TMEM132D: variants seen among roughly 807,000 people sequenced by gnomAD.
TMEM132D encodes the protein transmembrane protein 132D.
Under a neutral mutation model 62.3 loss-of-function variants are expected in TMEM132D, and 21 were observed. That is an observed-to-expected ratio of 0.34 (90% CI 0.24 to 0.49). The LOEUF (loss-of-function observed/expected upper bound fraction) is 0.49, where lower values mean the gene tolerates loss of function less well. Among genes scored for constraint, TMEM132D ranks in the 20% least tolerant of loss-of-function variants. TMEM132D has a pLI of 0.99. For missense variants in TMEM132D, 1,346 were observed against 1,402.8 expected, an observed-to-expected ratio of 0.96 and a Z score of 0.65; for synonymous variants, 621 against 575.6, an observed-to-expected ratio of 1.08 and a Z score of -1.13.
rs903047062 is a variant in TMEM132D at position 129,194,903 on chromosome 12, G to T, written c.1443+14617C>A. ...ACAACCAAGAGAGATGGCCCTCTCT[G>T]TCCTCATCCACTGTGACTTCTTAGA... is the stretch of plus-strand genomic sequence containing the variant. On this transcript the variant is annotated intron_variant, in intron 5 of 8. Coordinates refer to ENST00000422113, the MANE Select transcript of TMEM132D (RefSeq NM_133448.3). Among the ~76,000 whole-genome samples, 5 of 152,150 alleles carry T rather than the reference G, an allele frequency of 3.3e-5. No homozygotes were observed. In the East Asian group the frequency reaches 9.7e-4, roughly 29 times the overall value.
At chr12:129,207,390 T>C (rs574459383) in intron 5 of TMEM132D, among the ~76,000 whole-genome samples, 1 of 151,960 alleles carries the variant, frequency 6.6e-6, no homozygotes, top group African/African-American at 2.4e-5. Flanking sequence ...AGTGTATCTG[T>C]GAATACATAA....
chr12:129,352,372 C>T (rs1012708414), intron 3 of TMEM132D, among the ~76,000 whole-genome samples: 1 of 152,054 alleles, frequency 6.6e-6, no homozygotes, highest in Admixed American at 6.6e-5. Context: ...AGGGTGGACG[C>T]CTTCCTCCTT....
chr12:129,153,325 A>G (rs1453594969), intron 5 of TMEM132D, among the ~76,000 whole-genome samples: 1 of 152,160 alleles, frequency 6.6e-6, no homozygotes, highest in African/African-American at 2.4e-5. Context: ...CAAATGCAGA[A>G]TTTAAATGTG....
intron 1 of TMEM132D, among the ~76,000 whole-genome samples, chr12:129,749,563 TCTC>T (rs1336653549): frequency 2.0e-5 from 3 of 151,540 alleles, no homozygotes; most frequent in African/African-American, 4.8e-5. Flanking sequence ...TTCAAGCAAT[TCTC>T]CTGCCTCAGC....
In TMEM132D at chr12:129,809,332, T is replaced by C. The variant is rs535242708; in HGVS notation, c.79+93929A>G. On this transcript the variant is annotated intron_variant, in intron 1 of 8. Transcript: ENST00000422113. ...CAAAAAAAAAAAAAAAAATTTTTTTTTGAACGCTCTGAGCAAACCTTGGGT... is the reference window on the plus strand; with the variant it reads ...CAAAAAAAAAAAAAAAAATTTTTTTCTGAACGCTCTGAGCAAACCTTGGGT... Among the ~76,000 whole-genome samples, 36 of 151,966 alleles carry C rather than the reference T, an allele frequency of 2.4e-4. No homozygotes were observed. The East Asian group carries it at 7.0e-3, about 30-fold the overall frequency.
chr12:129,081,024 G>A (rs934141546), intron 7 of TMEM132D, among the ~76,000 whole-genome samples: 1 of 152,158 alleles, frequency 6.6e-6, no homozygotes, highest in South Asian at 2.1e-4. Flanking sequence ...CTGTGACTCG[G>A]TAGGGGCGGC....
intron 5 of TMEM132D, among the ~76,000 whole-genome samples, chr12:129,112,557 G>A (rs1875751718): frequency 6.6e-6 from 1 of 152,232 alleles, no homozygotes; most frequent in Admixed American, 6.5e-5. Context: ...CAGCTACTCA[G>A]GAGGCTGAGG....
At chr12:129,395,442 T>C (rs1871395528) in intron 3 of TMEM132D, among the ~76,000 whole-genome samples, 1 of 152,134 alleles carries the variant, frequency 6.6e-6, no homozygotes. Flanking sequence ...TGGGTATATA[T>C]TTGGTTACTG....
chr12:129,879,697 T>C (rs1272673734), intron 1 of TMEM132D, among the ~76,000 whole-genome samples: 1 of 152,046 alleles, frequency 6.6e-6, no homozygotes, highest in African/African-American at 2.4e-5. Flanking sequence ...AATATAATCA[T>C]GAAAACTCAC....
intron 3 of TMEM132D, among the ~76,000 whole-genome samples, chr12:129,404,923 C>A (rs1871735528): frequency 1.3e-5 from 2 of 152,038 alleles, no homozygotes; most frequent in South Asian, 4.2e-4. Context: ...CTAAAAAGAT[C>A]ATTTATTTTT....
In TMEM132D at chr12:129,112,519, C is replaced by T. The variant is rs113570492; in HGVS notation, c.1444-27817G>A. Among the ~76,000 whole-genome samples, 1,397 of 152,154 alleles carry T rather than the reference C, an allele frequency of 9.2e-3. 30 individuals carry two copies. Among genetic ancestry groups the T allele is most frequent in the African/African-American group, 0.032 (1,320 of 41,520 alleles). On this transcript the variant is annotated intron_variant, in intron 5 of 8. Transcript: ENST00000422113. The stretch of plus-strand genomic sequence containing the variant: ...TCTACTAAAAATATAAAAAATTAGC[C>T]GGGTATGGTGGCACATGCCTGTAAT...
intron 4 of TMEM132D, among the ~76,000 whole-genome samples, chr12:129,305,604 C>G (rs2135631080): frequency 6.6e-6 from 1 of 152,264 alleles, no homozygotes; most frequent in Admixed American, 6.5e-5. Context: ...CAACAAATAG[C>G]TCAAGCAATG....
intron 2 of TMEM132D, among the ~76,000 whole-genome samples, chr12:129,556,564 G>T (rs143190727): frequency 1.3e-5 from 2 of 152,088 alleles, no homozygotes; most frequent in Middle Eastern, 3.4e-3. Context: ...AATATAATAG[G>T]TTGCCTTCCT....
At chr12:129,784,235 A>G (rs1047800428) in intron 1 of TMEM132D, among the ~76,000 whole-genome samples, 4 of 152,210 alleles carry the variant, frequency 2.6e-5, no homozygotes, top group African/African-American at 9.7e-5. Context: ...GGAAAAACTC[A>G]TCTTGAAATC....
intron 5 of TMEM132D, among the ~76,000 whole-genome samples, chr12:129,196,401 T>C (rs1259442401): frequency 1.3e-5 from 2 of 152,186 alleles, no homozygotes; most frequent in Non-Finnish European, 2.9e-5. Flanking sequence ...TCTGGGCTTG[T>C]GATTCCTGGT....
chr12:129,761,602 C>A (rs1308055893), intron 1 of TMEM132D, among the ~76,000 whole-genome samples: 1 of 152,234 alleles, frequency 6.6e-6, no homozygotes, highest in Non-Finnish European at 1.5e-5. Flanking sequence ...CCCTGTCACT[C>A]TTCTGCTCTC....
rs1267574641 is a variant in TMEM132D at position 129,472,597 on chromosome 12, AAAAC to A, written c.1115+58458_1115+58461del. On this transcript the variant is annotated intron_variant, in intron 3 of 8. Coordinates refer to ENST00000422113, the MANE Select transcript of TMEM132D (RefSeq NM_133448.3). ...ACGTGTATCCCGGAACTTAAAGTAAAAAACAAACAAACAAAAAACAACCCCATCA... is the reference window on the plus strand; with the variant it reads ...ACGTGTATCCCGGAACTTAAAGTAAAAAACAAACAAAAAACAACCCCATCA... 2.0e-5 allele frequency among the ~76,000 whole-genome samples: 3 copies of A among 152,206 alleles called. No homozygotes were observed. In the East Asian group the frequency reaches 5.8e-4, roughly 29 times the overall value.
intron 5 of TMEM132D, among the ~76,000 whole-genome samples, chr12:129,140,377 C>A (rs186915310): frequency 2.3e-3 from 353 of 152,280 alleles, no homozygotes; most frequent in African/African-American, 8.3e-3. Context: ...GGTCTCCCCC[C>A]AGAAACGTTT....
At chr12:129,870,696 C>T (rs1874212959) in intron 1 of TMEM132D, among the ~76,000 whole-genome samples, 2 of 152,140 alleles carry the variant, frequency 1.3e-5, no homozygotes, top group Non-Finnish European at 2.9e-5. Flanking sequence ...TTTATTGAAC[C>T]TAAAGAGAGG....
Sources: allele counts gnomAD v4.1 joint callset (sites outside exome capture counted in the v4.1 genomes callset), GRCh38; gene constraint gnomAD v4.1.1; transcripts MANE v1.5; gene names NCBI Gene and HGNC (gene_info 2026-07-23, HGNC 2026-07-21).